The following NRG3 variants were observed in gnomAD, a reference collection of about 807,000 sequenced individuals.
NRG3 encodes neuregulin 3.
In NRG3, 31 loss-of-function variants were observed where a neutral mutation model predicts 66.9. The observed-to-expected ratio is 0.46, with a 90% confidence interval of 0.35 to 0.63. NRG3 has a LOEUF of 0.63. Among genes scored for constraint, NRG3 ranks in the 20% least tolerant of loss-of-function variants. NRG3 has a pLI of 0.00. For synonymous variants in NRG3, 393 were observed against 359.4 expected (o/e 1.09, Z -1.06); for missense variants, 910 against 878.9 (o/e 1.04, Z -0.45).
chr10:82,371,516 T>C (rs2084893242), intron 2 of NRG3, among the ~76,000 whole-genome samples: 1 of 152,174 alleles, frequency 6.6e-6, no homozygotes. Flanking sequence ...ATGAATGTTC[T>C]CAGAAAAACT....
intron 1 of NRG3, among the ~76,000 whole-genome samples, chr10:81,893,850 C>CAGAG (rs1202364747): frequency 7.9e-5 from 12 of 152,210 alleles, no homozygotes; most frequent in Admixed American, 6.5e-4. Context: ...TGTGGTAAGG[C>CAGAG]AGAGCCAAGG....
intron 1 of NRG3, among the ~76,000 whole-genome samples, chr10:82,037,292 C>A (rs1216738304): frequency 6.6e-6 from 1 of 152,096 alleles, no homozygotes; most frequent in Non-Finnish European, 1.5e-5. Context: ...GCACAAGGAT[C>A]CTCTGTACTT....
At chr10:82,263,611 A>C (rs902148853) in intron 1 of NRG3, among the ~76,000 whole-genome samples, 2 of 152,136 alleles carry the variant, frequency 1.3e-5, no homozygotes, top group Admixed American at 6.6e-5. Context: ...CTACATACAC[A>C]CACACCACAC....
chr10:82,975,369 A>G lies in NRG3; in HGVS notation c.1412+1454A>G, dbSNP rs144112675. Among the ~76,000 whole-genome samples the G allele has an allele frequency of 1.6e-4, 24 of 152,320 alleles. 1 individual carries two copies. The highest frequency in any genetic ancestry group is 5.8e-4 in the African/African-American group (24 of 41,580). On this transcript the variant is annotated intron_variant, in intron 7 of 8. Transcript: ENST00000372141. Reference sequence around the variant, plus strand: ...CATAAATGTTTTAAAATTGATATATATGTTTTAAAACATCAGCTCTTAATA... The same window carrying G: ...CATAAATGTTTTAAAATTGATATATGTGTTTTAAAACATCAGCTCTTAATA...
chr10:82,205,781 C>G (rs2075089358), intron 1 of NRG3, among the ~76,000 whole-genome samples: 1 of 152,178 alleles, frequency 6.6e-6, no homozygotes, highest in Non-Finnish European at 1.5e-5. Flanking sequence ...ATTCTTTGAA[C>G]AGTCTACTTG....
At chr10:82,362,063 A>T (rs2084174561) in intron 2 of NRG3, among the ~76,000 whole-genome samples, 1 of 142,588 alleles carries the variant, frequency 7.0e-6, no homozygotes, top group African/African-American at 2.6e-5. Context: ...CGTGATAGAA[A>T]TCCTGAAAGT....
chr10:82,551,239 A>C (rs1252660092), intron 2 of NRG3, among the ~76,000 whole-genome samples: 1 of 152,172 alleles, frequency 6.6e-6, no homozygotes, highest in South Asian at 2.1e-4. Flanking sequence ...AGAGTTTACA[A>C]TACCACTTTT....
At chr10:82,265,214 A>G (rs780713183) in intron 1 of NRG3, among the ~76,000 whole-genome samples, 3 of 152,206 alleles carry the variant, frequency 2.0e-5, no homozygotes, top group Non-Finnish European at 4.4e-5. Flanking sequence ...ACCAGTCAGC[A>G]GAGTCATTCG....
chr10:82,112,244 AAAAAGAAAAC>A (rs2067430389), intron 1 of NRG3, among the ~76,000 whole-genome samples: 1 of 152,262 alleles, frequency 6.6e-6, no homozygotes, highest in South Asian at 2.1e-4. Flanking sequence ...CCCTGTCTTA[AAAAAGAAAAC>A]AAAAGAAAAC....
At chr10:82,901,448 CA>C (rs147812816) in intron 4 of NRG3, among the ~76,000 whole-genome samples, 4 of 151,176 alleles carry the variant, frequency 2.6e-5, no homozygotes, top group South Asian at 2.1e-4. Context: ...GGATGGAAGC[CA>C]AAAAAAATAC....
At chr10:81,968,064 T>G (rs1277851357) in intron 1 of NRG3, among the ~76,000 whole-genome samples, 1 of 152,216 alleles carries the variant, frequency 6.6e-6, no homozygotes, top group Non-Finnish European at 1.5e-5. Flanking sequence ...TTCCTAGTAG[T>G]TTTCTCATTT....
chr10:81,904,235 C>T (rs537825804), intron 1 of NRG3, among the ~76,000 whole-genome samples: 1 of 152,056 alleles, frequency 6.6e-6, no homozygotes. Context: ...GTTTTGAACT[C>T]CTGACCTCAA....
intron 1 of NRG3, among the ~76,000 whole-genome samples, chr10:82,246,428 A>G (rs975127494): frequency 2.0e-5 from 3 of 152,138 alleles, no homozygotes; most frequent in African/African-American, 7.2e-5. Context: ...GTGATGAATA[A>G]TTTAGCTGGA....
At chr10:82,428,724 G>A (rs564828694) in intron 2 of NRG3, among the ~76,000 whole-genome samples, 378 of 151,942 alleles carry the variant, frequency 2.5e-3, no homozygotes, top group African/African-American at 8.6e-3. Flanking sequence ...TTTAAGTCTG[G>A]ATAGTTTCTA....
At chr10:82,841,663 C>T (rs1203196808) in intron 3 of NRG3, among the ~76,000 whole-genome samples, 2 of 152,118 alleles carry the variant, frequency 1.3e-5, no homozygotes, top group Non-Finnish European at 2.9e-5. Flanking sequence ...ATGAGGCCCT[C>T]ACAAACTATT....
intron 2 of NRG3, among the ~76,000 whole-genome samples, chr10:82,588,442 C>G (rs2046796153): frequency 6.6e-6 from 1 of 152,132 alleles, no homozygotes; most frequent in African/African-American, 2.4e-5. Context: ...CTGAGGCTCT[C>G]ACCAGAAGCA....
At chr10:81,880,056 A>G (rs188730799) in intron 1 of NRG3, among the ~76,000 whole-genome samples, 1 of 152,226 alleles carries the variant, frequency 6.6e-6, no homozygotes, top group African/African-American at 2.4e-5. Flanking sequence ...CTGCAACCTG[A>G]GTATGTTTTG....
At chr10:82,169,006 A>G (rs1335274963) in intron 1 of NRG3, among the ~76,000 whole-genome samples, 3 of 152,056 alleles carry the variant, frequency 2.0e-5, no homozygotes, top group Non-Finnish European at 4.4e-5. Flanking sequence ...ATGCCTTCCT[A>G]CAATTCCTTT....
At chr10:82,671,910 CTT>C (rs1371925376) in intron 2 of NRG3, among the ~76,000 whole-genome samples, 1 of 151,994 alleles carries the variant, frequency 6.6e-6, no homozygotes, top group Non-Finnish European at 1.5e-5. Context: ...TGAGTGAGAA[CTT>C]TGTTCTTTGG....
Sources: allele counts gnomAD v4.1 joint callset (sites outside exome capture counted in the v4.1 genomes callset), GRCh38; gene constraint gnomAD v4.1.1; transcripts MANE v1.5; gene names NCBI Gene and HGNC (gene_info 2026-07-23, HGNC 2026-07-21).